The following BBX variants were observed in gnomAD, a reference collection of about 807,000 sequenced individuals.
The protein encoded by BBX is BBX high mobility group box domain containing.
In BBX, 30 loss-of-function variants were observed where a neutral mutation model predicts 100.2. The ratio of observed to expected loss-of-function variants is 0.30; its 90% CI spans 0.22 to 0.41. The LOEUF (loss-of-function observed/expected upper bound fraction) is 0.41. Ranked by LOEUF, BBX falls within the 10% of genes least tolerant of loss-of-function variation. BBX has a pLI of 1.00. For synonymous variants in BBX, 376 were observed against 388.1 expected (o/e 0.97, Z 0.37); for missense variants, 1,023 against 1,129.8 (o/e 0.91, Z 1.35).
intron 12 of BBX, among the ~76,000 whole-genome samples, chr3:107,777,831 G>A (rs1415981999): frequency 6.6e-6 from 1 of 152,038 alleles, no homozygotes; most frequent in African/African-American, 2.4e-5. Context: ...GTTTGTGTAT[G>A]TTTTAATCAA....
intron 2 of BBX, among the ~76,000 whole-genome samples, chr3:107,624,805 G>A (rs960002868): frequency 3.3e-5 from 5 of 152,168 alleles, no homozygotes; most frequent in African/African-American, 4.8e-5. Context: ...GGAGGCGGAG[G>A]TTGCAGTGAG....
intron 2 of BBX, among the ~76,000 whole-genome samples, chr3:107,633,488 G>A (rs771062478): frequency 6.6e-5 from 10 of 152,150 alleles, no homozygotes; most frequent in Non-Finnish European, 1.0e-4. Context: ...CATATTTGGC[G>A]CAGATCAAAG....
chr3:107,637,496 T>C (rs2056921226), intron 2 of BBX, among the ~76,000 whole-genome samples: 2 of 152,212 alleles, frequency 1.3e-5, no homozygotes, highest in Admixed American at 1.3e-4. Flanking sequence ...GGCAGTGTGA[T>C]ACAGGGCAAG....
In BBX at chr3:107,801,263, C is replaced by A; in HGVS notation, c.2720C>A (p.Ala907Asp). 1 of 1,613,844 alleles carries A rather than the reference C, an allele frequency of 6.2e-7. No homozygotes were observed. Among genetic ancestry groups the A allele is most frequent in the Non-Finnish European group, 8.5e-7 (1 of 1,179,922 alleles). ...FSLAALAEVA[A>D]MENVHRGQRS... is the part of the protein sequence containing the mutation. ...CTCGCTGCGCTGGCTGAAGTGGCAG[C>A]CATGGAAAATGTGCACAGGTTAGTG... Residue 907 changes from alanine to aspartate, a missense_variant, in exon 17 of 18, where the codon GCC becomes GAC. Ala to Asp is a moderately radical substitution (Grantham distance 126). Around this residue, in one of 9 missense-constraint regions of BBX, gnomAD observed 104 missense variants for 132.2 expected, o/e 0.79. Coordinates refer to ENST00000325805, the MANE Select transcript of BBX (RefSeq NM_001142568.3).
At chr3:107,763,537 C>T (rs1407646737) in intron 10 of BBX, among the ~76,000 whole-genome samples, 1 of 152,030 alleles carries the variant, frequency 6.6e-6, no homozygotes, top group Non-Finnish European at 1.5e-5. Context: ...AAAGCGAGTC[C>T]GTAGTAACAA....
At chr3:107,694,561 G>GAT (rs2108113426) in intron 3 of BBX, among the ~76,000 whole-genome samples, 1 of 144,184 alleles carries the variant, frequency 6.9e-6, no homozygotes, top group South Asian at 2.3e-4. Context: ...GATCATGGTG[G>GAT]ATAAGCTTTT....
intron 2 of BBX, among the ~76,000 whole-genome samples, chr3:107,553,719 C>G: frequency 6.6e-6 from 1 of 152,172 alleles, no homozygotes; most frequent in East Asian, 1.9e-4. Context: ...TGAGGTCTAG[C>G]TGTGATTTCT....
intron 10 of BBX, among the ~76,000 whole-genome samples, chr3:107,756,424 A>G (rs1452161834): frequency 6.6e-6 from 1 of 151,940 alleles, no homozygotes; most frequent in Non-Finnish European, 1.5e-5. Context: ...ATAACCAAAA[A>G]TCTCTTACTA....
chr3:107,584,392 A>C (rs182931275), intron 2 of BBX, among the ~76,000 whole-genome samples: 289 of 149,352 alleles, frequency 1.9e-3, no homozygotes, highest in African/African-American at 6.7e-3. Flanking sequence ...TTAGAATTAA[A>C]AATAGTAGTT....
rs140152967 is a variant in BBX at position 107,683,426 on chromosome 3, A to T, written c.-9-27026A>T. On this transcript the variant is annotated intron_variant, in intron 3 of 17. Coordinates refer to ENST00000325805, the MANE Select transcript of BBX (RefSeq NM_001142568.3). ...GAAGCATAGTTTTCTTTTTCAGGGA[A>T]AAGAAAATAGCTATTTTGCTAGAGA... is the stretch of plus-strand genomic sequence containing the variant. Among the ~76,000 whole-genome samples, 35 of 152,244 alleles carry T rather than the reference A, an allele frequency of 2.3e-4. No individual in the cohort carries two copies. In the East Asian group the frequency reaches 6.8e-3, roughly 29 times the overall value.
intron 2 of BBX, among the ~76,000 whole-genome samples, chr3:107,558,675 C>T (rs1422440247): frequency 6.6e-6 from 1 of 152,038 alleles, no homozygotes; most frequent in African/African-American, 2.4e-5. Context: ...AGTGGGTATG[C>T]CAATTAGGTA....
intron 3 of BBX, among the ~76,000 whole-genome samples, chr3:107,673,807 G>C (rs1170944379): frequency 6.6e-6 from 1 of 151,938 alleles, no homozygotes; most frequent in Non-Finnish European, 1.5e-5. Context: ...AAATAAAGAA[G>C]CCCACTTGTT....
intron 2 of BBX, 173 bp downstream of exon 2, chr3:107,526,571 C>A: frequency 2.6e-6 from 1 of 390,448 alleles, no homozygotes; most frequent in Non-Finnish European, 4.5e-6. Flanking sequence ...GTTTAGAATT[C>A]AGCTGTGGGT....
At chr3:107,744,849 A>G in intron 8 of BBX, 139 bp downstream of exon 8, 1 of 685,928 alleles carries the variant, frequency 1.5e-6, no homozygotes, top group Non-Finnish European at 2.5e-6. Flanking sequence ...AAATTTTGGA[A>G]AAGATATTTT....
At chr3:107,564,137 G>A (rs1199144945) in intron 2 of BBX, among the ~76,000 whole-genome samples, 1 of 151,968 alleles carries the variant, frequency 6.6e-6, no homozygotes, top group Non-Finnish European at 1.5e-5. Flanking sequence ...GATAACTGGG[G>A]TGATTTCATC....
intron 2 of BBX, among the ~76,000 whole-genome samples, chr3:107,612,917 G>A (rs753539378): frequency 1.8e-4 from 27 of 152,192 alleles, no homozygotes; most frequent in Non-Finnish European, 3.8e-4. Context: ...AGGTATACAT[G>A]GTGCTCTATT....
At position 107,810,981 on chromosome 3, in the gene BBX, A is replaced by G. The variant is rs946983704; in HGVS notation, c.*5524A>G. The G allele has an allele frequency of 1.3e-5, 2 of 152,148 alleles. No individual in the cohort carries two copies. Among genetic ancestry groups the G allele is most frequent in the Admixed American group, 6.5e-5 (1 of 15,276 alleles). The allele number at this position is 152,148 out of a possible 1,614,324, so 9.4% of individuals were successfully genotyped here. ...TTGGTGTAAACATGCCATGTAATAA[A>G]TGATTTCCACTTAATGGTACAACAG... On this transcript the variant is annotated 3_prime_UTR_variant, in exon 18 of 18. Transcript: ENST00000325805.
chr3:107,745,638 T>A (rs1261053665), intron 8 of BBX, among the ~76,000 whole-genome samples: 1 of 151,856 alleles, frequency 6.6e-6, no homozygotes, highest in Non-Finnish European at 1.5e-5. Flanking sequence ...TTTTTTTTTT[T>A]AAACAGGGTC....
chr3:107,717,731 A>G (rs553528525), intron 5 of BBX, among the ~76,000 whole-genome samples: 33 of 152,222 alleles, frequency 2.2e-4, no homozygotes, highest in South Asian at 1.4e-3. Flanking sequence ...TTCTTTTACT[A>G]TATTTGGAAT....
Sources: allele counts gnomAD v4.1 joint callset (sites outside exome capture counted in the v4.1 genomes callset), GRCh38; gene constraint gnomAD v4.1.1; regional missense constraint gnomAD v4.1.1; transcripts MANE v1.5; gene names NCBI Gene and HGNC (gene_info 2026-07-23, HGNC 2026-07-21).